The following PRKN variants were observed in gnomAD, a reference collection of about 807,000 sequenced individuals.
PRKN encodes the protein E3 ubiquitin-protein ligase parkin.
A neutral mutation model predicts 59.5 loss-of-function variants in PRKN; 56 were observed. The observed-to-expected ratio is 0.94, with a 90% CI of 0.76 to 1.18. The LOEUF is 1.18. PRKN is among the 50% of genes most tolerant of loss of function. The pLI is 0.00. For synonymous variants in PRKN, 250 were observed against 222.1 expected, an observed-to-expected ratio of 1.13 and a Z score of -1.12; for missense variants, 657 against 596.4, an observed-to-expected ratio of 1.10 and a Z score of -1.06.
At chr6:162,548,269 G>A (rs1017308962) in intron 1 of PRKN, among the ~76,000 whole-genome samples, 1 of 151,876 alleles carries the variant, frequency 6.6e-6, no homozygotes, top group Non-Finnish European at 1.5e-5. Context: ...ATGTTGGCCA[G>A]GATGATCTCA....
intron 9 of PRKN, among the ~76,000 whole-genome samples, chr6:161,500,751 C>T (rs1400235827): frequency 6.6e-6 from 1 of 151,974 alleles, no homozygotes; most frequent in African/African-American, 2.4e-5. Flanking sequence ...ATGAATAAAT[C>T]TGCTGTCAAT....
chr6:162,282,123 C>T (rs928970068), intron 2 of PRKN, among the ~76,000 whole-genome samples: 2 of 152,256 alleles, frequency 1.3e-5, no homozygotes, highest in African/African-American at 4.8e-5. Flanking sequence ...CAGGTTCTGG[C>T]GCCACGGGGG....
chr6:161,627,285 T>C (rs1027241644), intron 7 of PRKN, among the ~76,000 whole-genome samples: 2 of 152,230 alleles, frequency 1.3e-5, no homozygotes, highest in African/African-American at 4.8e-5. Flanking sequence ...GATAAATAAT[T>C]CAGCAAAGTT....
At chr6:161,585,997 C>G (rs1264810495) in intron 7 of PRKN, among the ~76,000 whole-genome samples, 1 of 152,044 alleles carries the variant, frequency 6.6e-6, no homozygotes, top group Non-Finnish European at 1.5e-5. Flanking sequence ...TCCAAACATG[C>G]AATTCTGTGC....
intron 3 of PRKN, among the ~76,000 whole-genome samples, chr6:162,223,510 A>C (rs1054566612): frequency 2.6e-5 from 4 of 151,980 alleles, no homozygotes; most frequent in African/African-American, 9.7e-5. Flanking sequence ...ATTGGGATGA[A>C]GAATTCTACA....
chr6:161,536,884 A>G (rs1173316712), intron 9 of PRKN, among the ~76,000 whole-genome samples: 1 of 152,222 alleles, frequency 6.6e-6, no homozygotes, highest in Non-Finnish European at 1.5e-5. Flanking sequence ...TCCAAACAGC[A>G]ATTTTGAGAT....
chr6:162,259,974 G>A (rs1182201603), intron 3 of PRKN, among the ~76,000 whole-genome samples: 4 of 152,318 alleles, frequency 2.6e-5, no homozygotes, highest in Admixed American at 1.3e-4. Context: ...TAGTTTAGCT[G>A]TTAGTTTAAC....
At chr6:162,072,132 G>T (rs1366328666) in intron 4 of PRKN, among the ~76,000 whole-genome samples, 1 of 152,066 alleles carries the variant, frequency 6.6e-6, no homozygotes, top group Admixed American at 6.5e-5. Context: ...GGATAAAAGT[G>T]ATTACACAGG....
At chr6:162,086,979 C>A (rs1290878564) in intron 4 of PRKN, among the ~76,000 whole-genome samples, 1 of 152,096 alleles carries the variant, frequency 6.6e-6, no homozygotes, top group African/African-American at 2.4e-5. Context: ...TATGAAAATA[C>A]AAGGAAATAT....
chr6:161,559,064 A>AG (rs1356764596), intron 8 of PRKN, among the ~76,000 whole-genome samples: 1 of 135,528 alleles, frequency 7.4e-6, no homozygotes, highest in African/African-American at 2.5e-5. Context: ...AAAAAAAAAA[A>AG]AACCAGTAAA....
At chr6:161,700,950 C>T (rs984138325) in intron 7 of PRKN, among the ~76,000 whole-genome samples, 2 of 152,150 alleles carry the variant, frequency 1.3e-5, no homozygotes, top group African/African-American at 4.8e-5. Context: ...AGCTGACTGC[C>T]TGGTGTTTTA....
chr6:162,360,094 GGTGGGT>G (rs1562700394), intron 2 of PRKN, among the ~76,000 whole-genome samples: 3 of 151,536 alleles, frequency 2.0e-5, no homozygotes, highest in Admixed American at 6.6e-5. Flanking sequence ...TGTGTGTGTG[GGTGGGT>G]GTGGGTGTGG....
At chr6:162,235,958 G>GAAAGAAAGAAAGAAA (rs1562602229) in intron 3 of PRKN, among the ~76,000 whole-genome samples, 1 of 92,600 alleles carries the variant, frequency 1.1e-5, no homozygotes, top group African/African-American at 4.0e-5. Context: ...AGGAAGAAAG[G>GAAAGAAAGAAAGAAA]AAGAAAGAAA....
In PRKN at chr6:161,460,011, C is replaced by T. The variant is rs1400820727; in HGVS notation, c.1084-73134G>A. ...CTTTCCTTTAATTCAACTATCCATC[C>T]ATCAGTCCATCCATCCATCCATTCA... On this transcript the variant is annotated intron_variant, in intron 9 of 11. Transcript: ENST00000366898. This position sits in a 1 kb window ranked among gnomAD's most constrained non-coding sequence, Gnocchi z 5.0. 1.3e-5 allele frequency among the ~76,000 whole-genome samples: 2 copies of T among 152,174 alleles called. No homozygotes were observed. Among genetic ancestry groups the T allele is most frequent in the Non-Finnish European group, 2.9e-5 (2 of 68,004 alleles).
At chr6:162,467,011 A>G (rs1452250435) in intron 1 of PRKN, among the ~76,000 whole-genome samples, 1 of 152,178 alleles carries the variant, frequency 6.6e-6, no homozygotes, top group Non-Finnish European at 1.5e-5. Flanking sequence ...CTGGTTAGGA[A>G]AAATACACTG....
intron 6 of PRKN, among the ~76,000 whole-genome samples, chr6:161,962,063 C>A (rs762811696): frequency 6.6e-6 from 1 of 152,098 alleles, no homozygotes; most frequent in Non-Finnish European, 1.5e-5. Context: ...GCCCTTGCTG[C>A]GATAAATGAA....
intron 1 of PRKN, among the ~76,000 whole-genome samples, chr6:162,468,574 T>C (rs1419226674): frequency 6.6e-6 from 1 of 152,270 alleles, no homozygotes; most frequent in African/African-American, 2.4e-5. Context: ...GTCTTTAACA[T>C]GCAGGAATGC....
At chr6:162,508,858 C>CA (rs1235044210) in intron 1 of PRKN, among the ~76,000 whole-genome samples, 2 of 149,730 alleles carry the variant, frequency 1.3e-5, no homozygotes, top group East Asian at 1.9e-4. Flanking sequence ...TCTCAAAAAA[C>CA]AAAAAACAAA....
intron 9 of PRKN, among the ~76,000 whole-genome samples, chr6:161,513,515 A>C (rs969771281): frequency 7.9e-6 from 1 of 126,540 alleles, no homozygotes; most frequent in African/African-American, 3.1e-5. Context: ...GAGTGCTGGG[A>C]TTACAGCACA....
Sources: gnomAD v4.1 joint callset for allele counts (sites outside exome capture counted in the v4.1 genomes callset) on GRCh38, gnomAD v4.1.1 for gene constraint, Gnocchi (gnomAD v3.1) non-coding constraint, MANE v1.5 for transcripts, NCBI Gene and HGNC (gene_info 2026-07-23, HGNC 2026-07-21) for gene names.